The following TNKS variants were observed in gnomAD, a reference collection of about 807,000 sequenced individuals.
TNKS encodes the protein tankyrase, also known as poly [ADP-ribose] polymerase tankyrase-1.
Under a neutral mutation model 135.8 loss-of-function variants are expected in TNKS, and 72 were observed. The ratio of observed to expected loss-of-function variants is 0.53; its 90% CI spans 0.44 to 0.64. TNKS has a LOEUF of 0.64. Among genes scored for constraint, TNKS ranks in the 30% least tolerant of loss-of-function variants. The pLI is 0.00. For synonymous variants in TNKS, 849 were observed against 649.3 expected, an observed-to-expected ratio of 1.31 and a Z score of -4.68; for missense variants, 1,769 against 1,674.0, an observed-to-expected ratio of 1.06 and a Z score of -0.99.
chr8:9,560,879 A>G (rs930705074), intron 1 of TNKS, among the ~76,000 whole-genome samples: 2 of 152,090 alleles, frequency 1.3e-5, no homozygotes, highest in African/African-American at 2.4e-5. Flanking sequence ...GTTTACAGAG[A>G]ACTTTTAGTT....
In TNKS at chr8:9,680,820, A is replaced by G. The variant is rs1462786076; in HGVS notation, c.1107+20A>G. ...CGAAAGGTAAGTTATTTTAAATACAATCCTCTTTAATTGCAATGCTTCAAA... is the reference window on the plus strand; with the variant it reads ...CGAAAGGTAAGTTATTTTAAATACAGTCCTCTTTAATTGCAATGCTTCAAA... On this transcript the variant is annotated intron_variant, in intron 5 of 26. Transcript: ENST00000310430. The G allele has an allele frequency of 1.3e-6, 2 of 1,596,340 alleles. No homozygotes were observed. The highest frequency in any genetic ancestry group is 1.1e-5 in the South Asian group (1 of 90,212).
chr8:9,605,637 A>C (rs1799188072), intron 2 of TNKS, among the ~76,000 whole-genome samples: 2 of 152,098 alleles, frequency 1.3e-5, no homozygotes, highest in Non-Finnish European at 2.9e-5. Flanking sequence ...TCCAGTTTAG[A>C]ATCTCCTCAT....
rs373442602 is a variant in TNKS, at chr8:9,770,081, G to A, written c.3741-25G>A. 3.8e-4 allele frequency: 592 copies of A among 1,577,098 alleles called. 1 individual carries two copies. Among genetic ancestry groups the A allele is most frequent in the Non-Finnish European group, 4.6e-4 (528 of 1,158,760 alleles). On this transcript the variant is annotated intron_variant, in intron 25 of 26. Transcript: ENST00000310430. Reference sequence around the variant, plus strand: ...TGTAAGATTTAAAGCTTCCTTCAAAGCATTGTTTTTTTCTTTTTCCTTAGA... The same window carrying A: ...TGTAAGATTTAAAGCTTCCTTCAAAACATTGTTTTTTTCTTTTTCCTTAGA...
chr8:9,632,156 T>C (rs1375316489), intron 3 of TNKS, among the ~76,000 whole-genome samples: 2 of 152,214 alleles, frequency 1.3e-5, no homozygotes, highest in African/African-American at 4.8e-5. Flanking sequence ...TACTTCTGTT[T>C]AATTCAAATT....
intron 2 of TNKS, among the ~76,000 whole-genome samples, chr8:9,608,043 C>T (rs1305093945): frequency 1.3e-5 from 2 of 152,120 alleles, no homozygotes; most frequent in African/African-American, 4.8e-5. Flanking sequence ...GAGGCTCAAG[C>T]GATCCTCCCA....
intron 3 of TNKS, among the ~76,000 whole-genome samples, chr8:9,642,400 AAC>A (rs1037258822): frequency 6.8e-6 from 1 of 146,342 alleles, no homozygotes; most frequent in African/African-American, 2.5e-5. Context: ...ATTTATTTGA[AAC>A]AGTTTTCTAC....
chr8:9,564,798 T>C (rs1046934836), intron 1 of TNKS, among the ~76,000 whole-genome samples: 4 of 152,218 alleles, frequency 2.6e-5, no homozygotes, highest in Non-Finnish European at 5.9e-5. Flanking sequence ...TTAGTTAAGA[T>C]AAGATGGGTT....
intron 26 of TNKS, chr8:9,772,264 G>C (rs1807951107): frequency 2.4e-6 from 1 of 408,734 alleles, no homozygotes; most frequent in South Asian, 1.8e-5. Context: ...AAGGGGGCTG[G>C]GGGGAGGAGT....
At chr8:9,663,445 T>G (rs1314498938) in intron 3 of TNKS, among the ~76,000 whole-genome samples, 1 of 152,250 alleles carries the variant, frequency 6.6e-6, no homozygotes, top group Non-Finnish European at 1.5e-5. Flanking sequence ...ATTTCACTTC[T>G]GGTCACCAAA....
intron 5 of TNKS, among the ~76,000 whole-genome samples, chr8:9,701,901 G>A (rs4338107): frequency 0.65 from 98,422 of 151,980 alleles, 33,209 homozygotes; most frequent in Admixed American, 0.75. Flanking sequence ...TGGGTGAGGA[G>A]ACTGCTTGAG....
chr8:9,617,095 T>C (rs568040962), intron 3 of TNKS, among the ~76,000 whole-genome samples: 42 of 152,376 alleles, frequency 2.8e-4, no homozygotes, highest in African/African-American at 8.9e-4. Flanking sequence ...ATACATTTAA[T>C]GCAACAACGC....
At chr8:9,556,922 A>C in intron 1 of TNKS, 1 of 522,300 alleles carries the variant, frequency 1.9e-6, no homozygotes, top group Non-Finnish European at 3.4e-6. Flanking sequence ...GAATACAGTT[A>C]GATTTGGACA....
At chr8:9,565,326 A>C (rs193242682) in intron 1 of TNKS, among the ~76,000 whole-genome samples, 1 of 152,014 alleles carries the variant, frequency 6.6e-6, no homozygotes, top group African/African-American at 2.4e-5. Flanking sequence ...CGTGATGTAA[A>C]ATTTTTTCTC....
intron 5 of TNKS, among the ~76,000 whole-genome samples, chr8:9,682,277 C>G (rs1802813977): frequency 6.6e-6 from 1 of 152,088 alleles, no homozygotes; most frequent in South Asian, 2.1e-4. Context: ...TACTACAGAA[C>G]TTATGTGAGA....
At chr8:9,770,691 A>T (rs932001202) in intron 26 of TNKS, among the ~76,000 whole-genome samples, 3 of 152,258 alleles carry the variant, frequency 2.0e-5, no homozygotes, top group Admixed American at 2.0e-4. Flanking sequence ...CCATAACTAC[A>T]ATAAAAGAGA....
chr8:9,728,874 TAAAA>T (rs1348116906), intron 13 of TNKS, among the ~76,000 whole-genome samples: 6 of 152,154 alleles, frequency 3.9e-5, no homozygotes, highest in Admixed American at 3.9e-4. Flanking sequence ...TTACACCACT[TAAAA>T]AGCGCTTGTT....
chr8:9,777,080 C>G lies in TNKS; in HGVS notation c.*344C>G, dbSNP rs945449014. On this transcript the variant is annotated 3_prime_UTR_variant, in exon 27 of 27. Transcript: ENST00000310430. ...TTTTCAAATGTTCACAATTCACACA[C>G]TACATTTGTTTTGTTATGCATGACG... 7.8e-6 allele frequency: 2 copies of G among 257,236 alleles called. No homozygotes were observed. The highest frequency in any genetic ancestry group is 1.5e-5 in the Non-Finnish European group (2 of 132,414). 15.9% of individuals were successfully genotyped at this position (257,236 alleles called of 1,614,324 possible).
chr8:9,628,101 C>T (rs79663047), intron 3 of TNKS, among the ~76,000 whole-genome samples: 3 of 152,158 alleles, frequency 2.0e-5, no homozygotes, highest in East Asian at 3.9e-4. Flanking sequence ...GCTCTGCTTA[C>T]TGGTTTATAT....
chr8:9,679,837 G>C, intron 3 of TNKS, 114 bp from the exon 4 acceptor site: 1 of 832,456 alleles, frequency 1.2e-6, no homozygotes, highest in Non-Finnish European at 2.0e-6. Flanking sequence ...ACCCAGCGGG[G>C]TGTGGACTCT....
Sources: gnomAD v4.1 joint callset for allele counts (sites outside exome capture counted in the v4.1 genomes callset) on GRCh38, gnomAD v4.1.1 for gene constraint, MANE v1.5 for transcripts, NCBI Gene and HGNC (gene_info 2026-07-23, HGNC 2026-07-21) for gene names.